The following ADARB2 variants were observed in gnomAD, a reference collection of about 807,000 sequenced individuals.
The protein encoded by ADARB2 is inactive double-stranded RNA-specific editase B2.
ADARB2 carries 25 observed loss-of-function variants against 62.2 expected under a neutral mutation model. The observed-to-expected ratio is 0.40, with a 90% CI of 0.29 to 0.56. ADARB2 has a LOEUF of 0.56. ADARB2 is among the 20% of genes least tolerant of loss of function. The probability of loss-of-function intolerance (pLI) is 0.43; values close to 1 mark genes in which losing one functional copy is unlikely to be tolerated. For synonymous variants in ADARB2, 572 were observed against 500.8 expected (o/e 1.14, Z -1.90); for missense variants, 1,071 against 1,077.4 (o/e 0.99, Z 0.08).
intron 3 of ADARB2, among the ~76,000 whole-genome samples, chr10:1,298,827 C>T (rs1005435255): frequency 7.0e-5 from 10 of 143,188 alleles, no homozygotes; most frequent in African/African-American, 2.4e-4. Context: ...GCAGCCTCCA[C>T]CTCTGGGGCT....
At chr10:1,405,587 G>A (rs1394527701) in intron 1 of ADARB2, among the ~76,000 whole-genome samples, 4 of 133,042 alleles carry the variant, frequency 3.0e-5, no homozygotes, top group African/African-American at 8.5e-5. Flanking sequence ...AGCAGAGATC[G>A]CACCACTGCA....
intron 1 of ADARB2, among the ~76,000 whole-genome samples, chr10:1,564,153 G>A (rs1390492969): frequency 1.3e-5 from 2 of 152,158 alleles, no homozygotes; most frequent in Non-Finnish European, 2.9e-5. Context: ...CCCAGTAATA[G>A]GATGGCTGGG....
At chr10:1,673,338 GTGTGTA>G (rs899288463) in intron 1 of ADARB2, among the ~76,000 whole-genome samples, 1 of 150,760 alleles carries the variant, frequency 6.6e-6, no homozygotes, top group African/African-American at 2.4e-5. Context: ...GTGTGTGTGT[GTGTGTA>G]TGTGTGTGTA....
intron 8 of ADARB2, chr10:1,199,629 G>GCAGGTGGGCAGGTGGGCGGC (rs1325003060): frequency 2.3e-5 from 3 of 131,494 alleles, no homozygotes; most frequent in African/African-American, 1.2e-4. Context: ...GGCCAGGTGG[G>GCAGGTGGGCAGGTGGGCGGC]CAGGTGGGCA....
chr10:1,596,420 A>G (rs1833335893), intron 1 of ADARB2, among the ~76,000 whole-genome samples: 1 of 152,256 alleles, frequency 6.6e-6, no homozygotes, highest in African/African-American at 2.4e-5. Context: ...AAATGATTTA[A>G]TAACACTGAT....
At chr10:1,361,406 T>C (rs964257645) in intron 3 of ADARB2, 9 of 152,360 alleles carry the variant, frequency 5.9e-5, no homozygotes, top group Non-Finnish European at 1.2e-4. Context: ...GTCTGCCACC[T>C]TGTTTTTACT....
intron 8 of ADARB2, among the ~76,000 whole-genome samples, chr10:1,195,822 G>A (rs1452053250): frequency 6.6e-6 from 1 of 152,118 alleles, no homozygotes; most frequent in African/African-American, 2.4e-5. Context: ...AGATGATGGT[G>A]GGGGCCAGTT....
chr10:1,425,482 CT>C (rs1832886865), intron 1 of ADARB2, among the ~76,000 whole-genome samples: 1 of 152,190 alleles, frequency 6.6e-6, no homozygotes, highest in African/African-American at 2.4e-5. Flanking sequence ...AGTATCTAAT[CT>C]TTTATACTGA....
chr10:1,493,729 C>CTTTTTTTTTTTTTT (rs555812632), intron 1 of ADARB2, among the ~76,000 whole-genome samples: 12 of 56,844 alleles, frequency 2.1e-4, no homozygotes, highest in East Asian at 1.0e-3. Flanking sequence ...ATATGGCATT[C>CTTTTTTTTTTTTTT]TTTTTTTTTT....
At chr10:1,478,364 A>C (rs1246112049) in intron 1 of ADARB2, among the ~76,000 whole-genome samples, 1 of 151,862 alleles carries the variant, frequency 6.6e-6, no homozygotes, top group Non-Finnish European at 1.5e-5. Context: ...ATATAAGTAG[A>C]GTCATGAGAA....
intron 1 of ADARB2, among the ~76,000 whole-genome samples, chr10:1,566,575 A>T (rs529286432): frequency 7.3e-4 from 111 of 152,328 alleles, no homozygotes; most frequent in African/African-American, 2.6e-3. Context: ...GAACAATTGT[A>T]TGTGATTCAG....
chr10:1,628,336 G>A (rs529003395), intron 1 of ADARB2, among the ~76,000 whole-genome samples: 3 of 152,338 alleles, frequency 2.0e-5, no homozygotes, highest in Non-Finnish European at 2.9e-5. Context: ...GTTAGGCTGC[G>A]TTACGATCGG....
chr10:1,204,715 CACCATCGTG>C (rs1837028952), intron 7 of ADARB2, among the ~76,000 whole-genome samples: 1 of 152,226 alleles, frequency 6.6e-6, no homozygotes, highest in South Asian at 2.1e-4. Flanking sequence ...CTGTGTCCAG[CACCATCGTG>C]ACTGCCTCCT....
intron 4 of ADARB2, among the ~76,000 whole-genome samples, chr10:1,242,969 G>T (rs1004888997): frequency 2.6e-5 from 4 of 152,216 alleles, no homozygotes; most frequent in Non-Finnish European, 4.4e-5. Context: ...TGTTTAAGGA[G>T]GAGAAGCTGG....
rs752542590 is a variant in ADARB2, at chr10:1,184,891, C to T, written c.2013G>A (p.Leu671=). ...GGPSRLCKHV[L]SARWARLYGR... ...CATACAGCCGCGCCCACCGTGCAGA[C>T]AGCACGTGCTTGCAGAGCCGGGATG... Residue 671 remains leucine (L), a synonymous_variant, in exon 9 of 10, where the codon CTG becomes CTA. Coordinates refer to ENST00000381312, the MANE Select transcript of ADARB2 (RefSeq NM_018702.4). 1.2e-6 allele frequency: 2 copies of T among 1,613,766 alleles called. No homozygotes were observed. The highest frequency in any genetic ancestry group is 1.7e-5 in the Admixed American group (1 of 60,020).
At chr10:1,466,651 G>C (rs190631842) in intron 1 of ADARB2, among the ~76,000 whole-genome samples, 4 of 152,252 alleles carry the variant, frequency 2.6e-5, no homozygotes, top group South Asian at 4.2e-4. Flanking sequence ...GGTTGATTGC[G>C]ACCAAAGGCT....
intron 1 of ADARB2, among the ~76,000 whole-genome samples, chr10:1,712,299 C>T (rs1247915711): frequency 2.0e-5 from 3 of 152,128 alleles, no homozygotes; most frequent in Non-Finnish European, 2.9e-5. Flanking sequence ...AGAAATGCAA[C>T]AGTTTATTAT....
chr10:1,544,028 A>AC (rs1431382922), intron 1 of ADARB2, among the ~76,000 whole-genome samples: 39 of 140,878 alleles, frequency 2.8e-4, no homozygotes, highest in African/African-American at 8.5e-4. Context: ...CAAAAAAAAA[A>AC]ACACACAAAA....
At position 1,736,678 on chromosome 10, in the gene ADARB2, AT is replaced by A. The variant is rs537939530; in HGVS notation, c.100+372del. On this transcript the variant is annotated intron_variant, in intron 1 of 9. Transcript: ENST00000381312. ...GGGCTCGTTCCCCCGTTTTTGGGTA[AT>A]TCCTTTGGCACTGGGAGACGAGATG... Among the ~76,000 whole-genome samples the A allele has an allele frequency of 1.1e-3, 167 of 152,198 alleles. 1 individual carries two copies. The highest frequency in any genetic ancestry group is 3.2e-3 in the African/African-American group (132 of 41,542).
Sources: allele counts gnomAD v4.1 joint callset (sites outside exome capture counted in the v4.1 genomes callset), GRCh38; gene constraint gnomAD v4.1.1; transcripts MANE v1.5; gene names NCBI Gene and HGNC (gene_info 2026-07-23, HGNC 2026-07-21).